The following SH3KBP1 variants were observed in gnomAD, a reference collection of about 807,000 sequenced individuals.
The protein encoded by SH3KBP1 is SH3 domain-containing kinase-binding protein 1.
In SH3KBP1, 8 loss-of-function variants were observed where a neutral mutation model predicts 50.1. The ratio of observed to expected loss-of-function variants is 0.16; its 90% CI spans 0.09 to 0.29. The LOEUF is 0.29. SH3KBP1 is among the 10% of genes least tolerant of loss of function. The pLI is 1.00. For synonymous variants in SH3KBP1, 227 were observed against 218.6 expected (o/e 1.04, Z -0.34); for missense variants, 377 against 535.2 (o/e 0.70, Z 2.92).
chrX:19,853,591 A>C (rs866228381), intron 1 of SH3KBP1, among the ~76,000 whole-genome samples: 27 of 111,479 alleles, frequency 2.4e-4, no homozygotes, highest in African/African-American at 7.8e-4. Flanking sequence ...AGGACAATAC[A>C]GTGTCTAAGG....
chrX:19,670,906 A>C, intron 6 of SH3KBP1: 1 of 1,166,541 alleles, frequency 8.6e-7, no homozygotes, highest in African/African-American at 1.9e-5. Flanking sequence ...CAGTTTGAAA[A>C]GGTCCCAGAA....
chrX:19,628,926 G>A (rs751200839), intron 8 of SH3KBP1, among the ~76,000 whole-genome samples: 3 of 110,749 alleles, frequency 2.7e-5, no homozygotes, highest in Admixed American at 9.6e-5. Flanking sequence ...GTAAAACCCC[G>A]TCTCTACTAG....
At chrX:19,853,436 G>C (rs2068562363) in intron 1 of SH3KBP1, among the ~76,000 whole-genome samples, 1 of 111,040 alleles carries the variant, frequency 9.0e-6, no homozygotes, top group African/African-American at 3.3e-5. Flanking sequence ...GGAGATGGTG[G>C]CATGTGGAAA....
chrX:19,887,453 TGGC>T lies in SH3KBP1; in HGVS notation c.-146_-144del, dbSNP rs1395148936. ...GCGGCTGGGCCGGCTTCTTCCTCAG[TGGC>T]GGCGGCGGCGGCTCAGCGCCGCCCG... On this transcript the variant is annotated 5_prime_UTR_variant, in exon 1 of 18. Coordinates refer to ENST00000397821, the MANE Select transcript of SH3KBP1 (RefSeq NM_031892.3). 64 of 434,368 alleles carry T rather than the reference TGGC, an allele frequency of 1.5e-4. No homozygotes were observed. Among genetic ancestry groups the T allele is most frequent in the Non-Finnish European group, 1.8e-4 (55 of 305,476 alleles). 35.8% of individuals were successfully genotyped at this position (434,368 alleles called of 1,213,427 possible).
intron 8 of SH3KBP1, among the ~76,000 whole-genome samples, chrX:19,611,060 A>G (rs888344576): frequency 1.8e-5 from 2 of 109,515 alleles, no homozygotes; most frequent in African/African-American, 3.3e-5. Flanking sequence ...AATTTTTCAT[A>G]TTTTTAGTAG....
At chrX:19,816,555 C>T (rs2067361367) in intron 2 of SH3KBP1, among the ~76,000 whole-genome samples, 1 of 111,301 alleles carries the variant, frequency 9.0e-6, no homozygotes, top group Non-Finnish European at 1.9e-5. Flanking sequence ...CACTTGTAAT[C>T]CCAGTACTTT....
At chrX:19,715,010 A>G (rs1233825400) in intron 3 of SH3KBP1, among the ~76,000 whole-genome samples, 2 of 111,741 alleles carry the variant, frequency 1.8e-5, no homozygotes, top group African/African-American at 6.5e-5. Context: ...TCAGTGACTC[A>G]CACCTGTAAT....
At chrX:19,677,887 T>G (rs997578193) in intron 6 of SH3KBP1, among the ~76,000 whole-genome samples, 12 of 112,367 alleles carry the variant, frequency 1.1e-4, no homozygotes, top group Non-Finnish European at 5.6e-5. Flanking sequence ...CCCCTTTATG[T>G]TTCCTTCCCT....
chrX:19,629,642 C>A (rs1004042069), intron 8 of SH3KBP1, among the ~76,000 whole-genome samples: 2 of 111,218 alleles, frequency 1.8e-5, no homozygotes, highest in Non-Finnish European at 3.8e-5. Flanking sequence ...TAGAGAAAGG[C>A]TTGTGGGTGG....
chrX:19,644,599 T>G (rs1335104276), intron 7 of SH3KBP1, among the ~76,000 whole-genome samples: 3 of 112,367 alleles, frequency 2.7e-5, no homozygotes, highest in Non-Finnish European at 5.6e-5. Flanking sequence ...GAAATGTAGC[T>G]ACTCCAAATT....
Position 19,870,055 on chromosome X carries a change from T to C in SH3KBP1, c.4+17252A>G, listed in dbSNP as rs1422931079. 2.7e-5 allele frequency among the ~76,000 whole-genome samples: 3 copies of C among 112,229 alleles called. No individual in the cohort carries two copies. The East Asian group carries it at 8.4e-4, about 31-fold the overall frequency. On this transcript the variant is annotated intron_variant, in intron 1 of 17. Transcript: ENST00000397821. ...ACAGTGGCATGTTCAAACAATGGAATACCAGACAGGAAAAACACATGAACT... is the reference window on the plus strand; with the variant it reads ...ACAGTGGCATGTTCAAACAATGGAACACCAGACAGGAAAAACACATGAACT...
chrX:19,780,066 A>C (rs1415629430), intron 2 of SH3KBP1, among the ~76,000 whole-genome samples: 1 of 109,280 alleles, frequency 9.2e-6, no homozygotes. Context: ...CAACAGTGTA[A>C]AAGTGTTCCT....
chrX:19,776,062 G>A (rs1041329170), intron 2 of SH3KBP1, among the ~76,000 whole-genome samples: 9 of 111,493 alleles, frequency 8.1e-5, no homozygotes, highest in Non-Finnish European at 1.7e-4. Context: ...GGACAACAGA[G>A]TGTGCCAAGA....
chrX:19,874,221 G>A (rs754286114), intron 1 of SH3KBP1, among the ~76,000 whole-genome samples: 26 of 100,523 alleles, frequency 2.6e-4, no homozygotes, highest in African/African-American at 8.3e-4. Flanking sequence ...AAAATCTGAG[G>A]CACGCAGCAA....
At chrX:19,548,083 T>A (rs1912337782) in intron 14 of SH3KBP1, among the ~76,000 whole-genome samples, 1 of 112,834 alleles carries the variant, frequency 8.9e-6, no homozygotes, top group Non-Finnish European at 1.9e-5. Context: ...AGTTGTATCT[T>A]TGGTACCTGG....
chrX:19,613,981 G>A (rs898464575), intron 8 of SH3KBP1, among the ~76,000 whole-genome samples: 10 of 112,798 alleles, frequency 8.9e-5, no homozygotes, highest in Admixed American at 1.9e-4. Flanking sequence ...ATATGGCCTG[G>A]TCCGAATCCC....
At chrX:19,804,460 A>G (rs1177399433) in intron 2 of SH3KBP1, among the ~76,000 whole-genome samples, 1 of 110,823 alleles carries the variant, frequency 9.0e-6, no homozygotes, top group East Asian at 2.8e-4. Context: ...GTTCCCTTCC[A>G]AGATGGGTGG....
chrX:19,688,651 G>A (rs1176776731), intron 5 of SH3KBP1, among the ~76,000 whole-genome samples: 4 of 89,672 alleles, frequency 4.5e-5, no homozygotes, highest in East Asian at 4.2e-4. Context: ...CCACATACAC[G>A]CACACACACA....
intron 6 of SH3KBP1, among the ~76,000 whole-genome samples, chrX:19,676,542 C>G (rs1364297508): frequency 9.1e-6 from 1 of 110,310 alleles, no homozygotes; most frequent in Non-Finnish European, 1.9e-5. Flanking sequence ...GGATGGATAC[C>G]CCATTCTCCA....
Sources: gnomAD v4.1 joint callset for allele counts (sites outside exome capture counted in the v4.1 genomes callset) on GRCh38, gnomAD v4.1.1 for gene constraint, MANE v1.5 for transcripts, NCBI Gene and HGNC (gene_info 2026-07-23, HGNC 2026-07-21) for gene names.